Variants in TPTE observed in about 807,000 individuals in gnomAD.
TPTE encodes putative tyrosine-protein phosphatase TPTE.
Under a neutral mutation model 84.1 loss-of-function variants are expected in TPTE, and 59 were observed. That is an observed-to-expected ratio of 0.70 (90% CI 0.57 to 0.87). TPTE has a LOEUF of 0.87. Ranked by LOEUF, TPTE falls within the 40% of genes least tolerant of loss-of-function variation. The pLI is 0.00. For synonymous variants in TPTE, 130 were observed against 223.5 expected, an observed-to-expected ratio of 0.58 and a Z score of 3.73; for missense variants, 382 against 659.6, an observed-to-expected ratio of 0.58 and a Z score of 4.61.
intron 10 of TPTE, among the ~76,000 whole-genome samples, chr21:10,563,340 A>T (rs959070893): frequency 1.3e-5 from 2 of 152,312 alleles, no homozygotes; most frequent in Non-Finnish European, 2.9e-5. Context: ...AATAGTAGGT[A>T]TACAGAAAAA....
At chr21:10,604,349 CTCT>C (rs1426624322) in intron 23 of TPTE, among the ~76,000 whole-genome samples, 1 of 152,300 alleles carries the variant, frequency 6.6e-6, no homozygotes, top group Non-Finnish European at 1.5e-5. Flanking sequence ...GTCAACCATA[CTCT>C]TCAATACAAA....
chr21:10,564,019 T>C (rs2074862805), intron 10 of TPTE, among the ~76,000 whole-genome samples: 2 of 152,302 alleles, frequency 1.3e-5, no homozygotes, highest in Admixed American at 6.5e-5. Flanking sequence ...CAGGGTGTGG[T>C]GGTGCGCACC....
At position 10,531,643 on chromosome 21, in the gene TPTE, T is replaced by G. The variant is rs577774027; in HGVS notation, c.-44+4231T>G. On this transcript the variant is annotated intron_variant, in intron 3 of 23. Coordinates refer to ENST00000618007, the MANE Select transcript of TPTE (RefSeq NM_199261.4). ...TTCATATCAGTTTGAGACATTGAAG[T>G]TATGTGCTCTAATCCGTCATCTGCC... Among the ~76,000 whole-genome samples the G allele has an allele frequency of 1.1e-4, 17 of 152,424 alleles. No individual in the cohort carries two copies. In the South Asian group the frequency reaches 3.5e-3, roughly 32 times the overall value.
chr21:10,600,676 T>C (rs1444690536), intron 21 of TPTE, among the ~76,000 whole-genome samples: 20 of 152,336 alleles, frequency 1.3e-4, no homozygotes, highest in Non-Finnish European at 2.4e-4. Context: ...CTATTGTTTC[T>C]TAAGTGTACA....
At chr21:10,543,425 C>T (rs781745670) in intron 7 of TPTE, 43 bp downstream of exon 7, 1 of 1,613,828 alleles carries the variant, frequency 6.2e-7, no homozygotes, top group Non-Finnish European at 8.5e-7. Flanking sequence ...CATAAGAGTG[C>T]ATAGAGCTAT....
chr21:10,589,975 C>G (rs1156530581), intron 17 of TPTE, among the ~76,000 whole-genome samples: 1 of 152,310 alleles, frequency 6.6e-6, no homozygotes, highest in Non-Finnish European at 1.5e-5. Flanking sequence ...AGAAATGGCA[C>G]TTGGTGTTGA....
At chr21:10,557,975 GCTA>G in intron 8 of TPTE, among the ~76,000 whole-genome samples, 1 of 152,424 alleles carries the variant, frequency 6.6e-6, no homozygotes, top group East Asian at 1.9e-4. Context: ...TTATGATTTA[GCTA>G]CCACTGATAG....
intron 9 of TPTE, among the ~76,000 whole-genome samples, chr21:10,560,163 CATT>C (rs572596346): frequency 1.3e-3 from 197 of 152,324 alleles, no homozygotes; most frequent in African/African-American, 4.5e-3. Flanking sequence ...GCAAAAGTAA[CATT>C]AATGAAAATC....
intron 3 of TPTE, among the ~76,000 whole-genome samples, chr21:10,533,966 A>G (rs550908132): frequency 5.9e-5 from 9 of 152,392 alleles, no homozygotes; most frequent in African/African-American, 1.7e-4. Context: ...GTTGTTTACA[A>G]CTGGTTACAG....
chr21:10,565,854 A>G (rs1386203065), intron 10 of TPTE, among the ~76,000 whole-genome samples: 1 of 152,306 alleles, frequency 6.6e-6, no homozygotes, highest in Non-Finnish European at 1.5e-5. Context: ...ACAAAAATCA[A>G]ATCAACATGA....
intron 14 of TPTE, among the ~76,000 whole-genome samples, chr21:10,575,502 T>C (rs1324668866): frequency 6.6e-6 from 1 of 152,312 alleles, no homozygotes; most frequent in Non-Finnish European, 1.5e-5. Flanking sequence ...ACACCTGCTC[T>C]ACCCCAAAGC....
chr21:10,575,957 A>G (rs1444357794), intron 14 of TPTE, among the ~76,000 whole-genome samples: 2 of 152,312 alleles, frequency 1.3e-5, no homozygotes, highest in East Asian at 3.8e-4. Context: ...GGTTGCAGAG[A>G]CAAAGAAATG....
At chr21:10,604,827 A>C (rs1169492565) in intron 23 of TPTE, among the ~76,000 whole-genome samples, 1 of 152,266 alleles carries the variant, frequency 6.6e-6, no homozygotes, top group Non-Finnish European at 1.5e-5. Flanking sequence ...TAAATTTCTA[A>C]AGATTTCTGT....
Position 10,603,541 on chromosome 21 carries a change from GA to G in TPTE, c.1450-18del. The G allele has an allele frequency of 1.2e-6, 2 of 1,605,072 alleles. No homozygotes were observed. Among genetic ancestry groups the G allele is most frequent in the South Asian group, 2.2e-5 (2 of 89,440 alleles). ...TAGTTCTTGGTATCAGTTTTACTTT[GA>G]AATTTTTTTTTCTTTTTAGAATCTT... On this transcript the variant is annotated intron_variant, in intron 22 of 23. Transcript: ENST00000618007.
intron 3 of TPTE, among the ~76,000 whole-genome samples, chr21:10,529,494 C>A (rs553550884): frequency 6.6e-6 from 1 of 152,428 alleles, no homozygotes; most frequent in South Asian, 2.1e-4. Context: ...TCTCAGCATT[C>A]ACTTTCTTAT....
chr21:10,583,768 G>A (rs543091810), intron 17 of TPTE, among the ~76,000 whole-genome samples: 208 of 152,014 alleles, frequency 1.4e-3, no homozygotes, highest in African/African-American at 4.9e-3. Context: ...TTTCATGTAT[G>A]GCTATCCAGT....
At chr21:10,530,734 C>T (rs1198570482) in intron 3 of TPTE, among the ~76,000 whole-genome samples, 5 of 152,308 alleles carry the variant, frequency 3.3e-5, no homozygotes, top group Non-Finnish European at 4.4e-5. Context: ...TGAATACTGC[C>T]TATTGCTCTC....
intron 17 of TPTE, among the ~76,000 whole-genome samples, chr21:10,589,018 A>G (rs1600964278): frequency 6.6e-6 from 1 of 152,312 alleles, no homozygotes; most frequent in East Asian, 1.9e-4. Flanking sequence ...TTTGGTAGGA[A>G]GCATTGCCAG....
At chr21:10,567,130 A>G (rs2074937754) in intron 10 of TPTE, among the ~76,000 whole-genome samples, 1 of 151,210 alleles carries the variant, frequency 6.6e-6, no homozygotes, top group African/African-American at 2.4e-5. Flanking sequence ...AAAAAATTGA[A>G]CTCATAGACC....
Sources: gnomAD v4.1 joint callset for allele counts (sites outside exome capture counted in the v4.1 genomes callset) on GRCh38, gnomAD v4.1.1 for gene constraint, MANE v1.5 for transcripts, NCBI Gene and HGNC (gene_info 2026-07-23, HGNC 2026-07-21) for gene names.